The following EOGT variants were observed in gnomAD, a reference collection of about 807,000 sequenced individuals.
The protein encoded by EOGT is EGF domain specific O-linked N-acetylglucosamine transferase.
Under a neutral mutation model 70.5 loss-of-function variants are expected in EOGT, and 55 were observed. The observed-to-expected ratio is 0.78, with a 90% CI of 0.63 to 0.98. The LOEUF (loss-of-function observed/expected upper bound fraction) is 0.98. Ranked by LOEUF, EOGT falls within the 50% of genes least tolerant of loss-of-function variation. The pLI is 0.00. For missense variants in EOGT, 703 were observed against 641.9 expected, an observed-to-expected ratio of 1.10 and a Z score of -1.03; for synonymous variants, 246 against 217.1, an observed-to-expected ratio of 1.13 and a Z score of -1.17.
At chr3:69,001,984 G>T (rs542657532) in intron 8 of EOGT, among the ~76,000 whole-genome samples, 1 of 152,320 alleles carries the variant, frequency 6.6e-6, no homozygotes, top group African/African-American at 2.4e-5. Flanking sequence ...GAGGTCAGGA[G>T]ATCAAGACCA....
intron 15 of EOGT, 30 bp downstream of exon 15, chr3:68,982,779 GAC>G: frequency 6.5e-7 from 1 of 1,543,986 alleles, no homozygotes; most frequent in South Asian, 1.2e-5. Context: ...AGCAAAAGTT[GAC>G]AGTGTCTGCT....
At chr3:68,978,855 C>T (rs1389287828) in intron 16 of EOGT, among the ~76,000 whole-genome samples, 1 of 152,290 alleles carries the variant, frequency 6.6e-6, no homozygotes, top group East Asian at 1.9e-4. Flanking sequence ...ACATTTCTCT[C>T]CCTTCTCTCT....
At chr3:68,988,467 T>C in intron 12 of EOGT, 39 bp downstream of exon 12, 1 of 1,495,218 alleles carries the variant, frequency 6.7e-7, no homozygotes, top group Non-Finnish European at 9.0e-7. Context: ...AAATGTTATG[T>C]CTGTAAATAT....
Position 69,007,701 on chromosome 3 carries a change from C to T in EOGT, c.420+12G>A. 1 of 1,530,854 alleles carries T rather than the reference C, an allele frequency of 6.5e-7. No individual in the cohort carries two copies. The highest frequency in any genetic ancestry group is 9.0e-7 in the Non-Finnish European group (1 of 1,117,024). 94.8% of individuals were successfully genotyped at this position (1,530,854 alleles called of 1,614,324 possible). On this transcript the variant is annotated intron_variant, in intron 6 of 17. Coordinates refer to ENST00000383701, the MANE Select transcript of EOGT (RefSeq NM_001278689.2). ...ATAAACAAGTTTATTTAGTAAGGAG[C>T]AAAATACCCACCGTTTCCTTAGGCT...
rs2090885866 is a variant in EOGT at position 68,988,526 on chromosome 3, G to A, written c.976C>T (p.Leu326=). Reference sequence around the variant, plus strand: ...CTTACCAGAGGAGTATTATAGAACAGCCCATACCTCATGCGGGGGAGTAAT... The same window carrying A: ...CTTACCAGAGGAGTATTATAGAACAACCCATACCTCATGCGGGGGAGTAAT... The part of the protein sequence containing the change: ...FSLLPRMRYG[L]FYNTPLISGC... Residue 326 remains leucine (L), a synonymous_variant, in exon 12 of 18, where the codon CTG becomes TTG. Transcript: ENST00000383701. 6.5e-7 allele frequency: 1 copy of A among 1,533,240 alleles called. No individual in the cohort carries two copies. The allele number at this position is 1,533,240 out of a possible 1,614,324, so 95.0% of individuals were successfully genotyped here.
chr3:68,985,948 A>C (rs1187012760), intron 14 of EOGT, among the ~76,000 whole-genome samples: 1 of 152,032 alleles, frequency 6.6e-6, no homozygotes, highest in Non-Finnish European at 1.5e-5. Context: ...CCACTGCCTC[A>C]CCTTTTCCAG....
chr3:69,003,462 C>T (rs1309590137), intron 8 of EOGT, among the ~76,000 whole-genome samples: 2 of 152,098 alleles, frequency 1.3e-5, no homozygotes, highest in Non-Finnish European at 2.9e-5. Context: ...AAGGGCAGTT[C>T]CCTCTGCACA....
intron 14 of EOGT, among the ~76,000 whole-genome samples, chr3:68,983,126 T>C (rs1185008333): frequency 6.6e-6 from 1 of 152,218 alleles, no homozygotes; most frequent in African/African-American, 2.4e-5. Context: ...ATGCACTGTG[T>C]TGCTGTGAGG....
In EOGT at chr3:69,004,359, T is replaced by A. The variant is rs574412438; in HGVS notation, c.620+19A>T. The A allele has an allele frequency of 3.2e-6, 5 of 1,573,120 alleles. No homozygotes were observed. In the East Asian group the frequency reaches 1.1e-4, roughly 35 times the overall value. On this transcript the variant is annotated intron_variant, in intron 8 of 17. Transcript: ENST00000383701. ...TAAAGGCAAATATTTCCGAAACAGA[T>A]ACGTTAAAAATATCTTACCATGACT...
At position 68,989,005 on chromosome 3, in the gene EOGT, AT is replaced by A. The variant is rs1334527799; in HGVS notation, c.843del (p.Tyr282MetfsTer20). 6.6e-7 allele frequency: 1 copy of A among 1,525,720 alleles called. No individual in the cohort carries two copies. Among genetic ancestry groups the A allele is most frequent in the Non-Finnish European group, 8.8e-7 (1 of 1,139,582 alleles). 94.5% of individuals were successfully genotyped at this position (1,525,720 alleles called of 1,614,324 possible). A position where few individuals can be genotyped will look rare whatever the true frequency, so the allele number is the denominator to read the frequency against. ...YIVMWDTSSY[G>X]YGDLFSDTWN... ...CATGTGTCGGAGAATAGGTCACCAT[AT>A]CCGTAAGAACTCTGAAAGTAGAAAC... On this transcript the variant is annotated frameshift_variant, in exon 11 of 18. Coordinates refer to ENST00000383701, the MANE Select transcript of EOGT (RefSeq NM_001278689.2). LOFTEE classifies it high-confidence loss of function.
chr3:68,982,886 A>G lies in EOGT; in HGVS notation c.1153-14T>C. ...TGCATTTACAAGCTGGGAAAAAAAG[A>G]GAAACATTTAGCATTTCTTTTCCTT... On this transcript the variant is annotated splice_polypyrimidine_tract_variant and intron_variant, in intron 14 of 17. Coordinates refer to ENST00000383701, the MANE Select transcript of EOGT (RefSeq NM_001278689.2). The G allele has an allele frequency of 6.3e-7, 1 of 1,594,042 alleles. No individual in the cohort carries two copies. The highest frequency in any genetic ancestry group is 8.5e-7 in the Non-Finnish European group (1 of 1,169,716).
At chr3:69,005,309 A>G (rs917098450) in intron 6 of EOGT, 75 bp from the exon 7 acceptor site, 1 of 759,338 alleles carries the variant, frequency 1.3e-6, no homozygotes, top group East Asian at 2.6e-5. Context: ...TGCTAGACAC[A>G]CTGACAGCAC....
intron 14 of EOGT, among the ~76,000 whole-genome samples, chr3:68,986,128 C>T (rs10446388): frequency 0.41 from 61,981 of 152,070 alleles, 13,317 homozygotes; most frequent in Non-Finnish European, 0.48. Context: ...AAGAAAAGAG[C>T]TGTCCAGGCC....
intron 5 of EOGT, 124 bp from the exon 6 acceptor site, chr3:69,007,945 A>G (rs766961042): frequency 1.6e-6 from 1 of 627,928 alleles, no homozygotes; most frequent in Non-Finnish European, 2.7e-6. Flanking sequence ...GTATATTATC[A>G]TAGTTTTTCC....
At chr3:68,994,728 T>C (rs980406763) in intron 10 of EOGT, among the ~76,000 whole-genome samples, 1 of 152,040 alleles carries the variant, frequency 6.6e-6, no homozygotes, top group African/African-American at 2.4e-5. Context: ...GAAGCGGAAG[T>C]TGCAGTGAGG....
At position 68,976,356 on chromosome 3, in the gene EOGT, TA is replaced by T. The variant is rs1199595552; in HGVS notation, c.*1261del. On this transcript the variant is annotated 3_prime_UTR_variant, in exon 18 of 18. Transcript: ENST00000383701. Reference sequence around the variant, plus strand: ...AATACTCGCATAAAATGGAAACCATTATTTCATATATAAATTAATTAATCAC... The same window carrying T: ...AATACTCGCATAAAATGGAAACCATTTTTCATATATAAATTAATTAATCAC... 3 of 152,198 alleles carry T rather than the reference TA, an allele frequency of 2.0e-5. No homozygotes were observed. The East Asian group carries it at 5.8e-4, about 29-fold the overall frequency. 9.4% of individuals were successfully genotyped at this position (152,198 alleles called of 1,614,324 possible).
intron 11 of EOGT, 145 bp downstream of exon 11, chr3:68,988,780 C>T (rs569240397): frequency 4.7e-6 from 3 of 633,150 alleles, no homozygotes; most frequent in East Asian, 2.8e-5. Context: ...ATTAACAACA[C>T]TGAGGATTCT....
At chr3:68,986,585 C>T (rs761253471) in intron 14 of EOGT, among the ~76,000 whole-genome samples, 2 of 152,118 alleles carry the variant, frequency 1.3e-5, no homozygotes, top group African/African-American at 2.4e-5. Context: ...TGACTCTGCC[C>T]GAGAGGCTCT....
chr3:68,996,238 C>G (rs2091143405), intron 10 of EOGT, among the ~76,000 whole-genome samples: 1 of 152,182 alleles, frequency 6.6e-6, no homozygotes, highest in African/African-American at 2.4e-5. Context: ...TCTCATCAGA[C>G]TTCAAATCTA....
Sources: gnomAD v4.1 joint callset for allele counts (sites outside exome capture counted in the v4.1 genomes callset) on GRCh38, gnomAD v4.1.1 for gene constraint, MANE v1.5 for transcripts, NCBI Gene and HGNC (gene_info 2026-07-23, HGNC 2026-07-21) for gene names.